The following PTPRM variants were observed in gnomAD, a reference collection of about 807,000 sequenced individuals.
PTPRM encodes receptor-type tyrosine-protein phosphatase mu.
PTPRM carries 47 observed loss-of-function variants against 186.7 expected under a neutral mutation model. The observed-to-expected ratio is 0.25, with a 90% confidence interval of 0.20 to 0.32. The LOEUF (loss-of-function observed/expected upper bound fraction) is 0.32. Ranked by LOEUF, PTPRM falls within the 10% of genes least tolerant of loss-of-function variation. The pLI, the probability that PTPRM is intolerant of heterozygous loss-of-function variation, is 1.00. For synonymous variants in PTPRM, 668 were observed against 674.9 expected, an observed-to-expected ratio of 0.99 and a Z score of 0.16; for missense variants, 1,494 against 1,865.0, an observed-to-expected ratio of 0.80 and a Z score of 3.66.
At chr18:8,324,614 T>C (rs1181100887) in intron 22 of PTPRM, among the ~76,000 whole-genome samples, 7 of 152,144 alleles carry the variant, frequency 4.6e-5, no homozygotes, top group Non-Finnish European at 1.0e-4. Flanking sequence ...GTCCTGGTGT[T>C]TGGTAAATAG....
chr18:7,570,608 A>G (rs2036543818), intron 1 of PTPRM, among the ~76,000 whole-genome samples: 1 of 152,184 alleles, frequency 6.6e-6, no homozygotes, highest in Non-Finnish European at 1.5e-5. Context: ...TAAAAGTTAG[A>G]CTTGGCTTGC....
intron 32 of PTPRM, among the ~76,000 whole-genome samples, chr18:8,401,872 G>T (rs1298616078): frequency 6.6e-6 from 1 of 152,214 alleles, no homozygotes; most frequent in African/African-American, 2.4e-5. Context: ...AGCGGGGCCA[G>T]CGTCAGGGAC....
rs531037499 is a variant in PTPRM at position 8,085,603 on chromosome 18, T to G, written c.1552-68T>G. 6.8e-4 allele frequency: 925 copies of G among 1,359,306 alleles called. 15 individuals carry two copies. The South Asian group carries it at 0.01, about 15-fold the overall frequency. 84.2% of individuals were successfully genotyped at this position (1,359,306 alleles called of 1,614,324 possible). A position where few individuals can be genotyped will look rare whatever the true frequency, so the allele number is the denominator to read the frequency against. ...TGACAGTGCATACATCAGAAGGGTT[T>G]ATTGGATAAAGATGCAATCTGAGTC... On this transcript the variant is annotated intron_variant, in intron 9 of 32. Coordinates refer to ENST00000580170, the MANE Select transcript of PTPRM (RefSeq NM_001105244.2).
chr18:7,938,471 A>G (rs1356855046), intron 5 of PTPRM, among the ~76,000 whole-genome samples: 1 of 152,160 alleles, frequency 6.6e-6, no homozygotes, highest in Non-Finnish European at 1.5e-5. Flanking sequence ...CTTGAGACCT[A>G]GTTTTGCAAA....
rs552710719 is a variant in PTPRM at position 8,148,220 on chromosome 18, A to T, written c.2300+4441A>T. Among the ~76,000 whole-genome samples the T allele has an allele frequency of 8.5e-5, 13 of 152,238 alleles. No individual in the cohort carries two copies. In the East Asian group the frequency reaches 9.7e-4, roughly 11 times the overall value. On this transcript the variant is annotated intron_variant, in intron 14 of 32. Transcript: ENST00000580170. ...GTTGTTTGGAATAGTTTGAGAAGGC[A>T]TGGTACCAGCTCCTCTTTGTACCTC...
chr18:8,212,641 CA>C (rs1342980853), intron 14 of PTPRM, among the ~76,000 whole-genome samples: 1 of 151,880 alleles, frequency 6.6e-6, no homozygotes, highest in Non-Finnish European at 1.5e-5. Flanking sequence ...CCTGTCTCTG[CA>C]AAAAAATTTT....
chr18:8,390,365 A>G (rs75372157), intron 31 of PTPRM, among the ~76,000 whole-genome samples: 4,009 of 152,350 alleles, frequency 0.026, 80 homozygotes, highest in Non-Finnish European at 0.038. Context: ...GACCGCGGGT[A>G]GATTTGTTAA....
chr18:7,972,523 AAAG>A (rs1343237135), intron 7 of PTPRM, among the ~76,000 whole-genome samples: 1 of 149,928 alleles, frequency 6.7e-6, no homozygotes, highest in Non-Finnish European at 1.5e-5. Flanking sequence ...GAAAAAAAAA[AAAG>A]AAACCCTTTC....
intron 4 of PTPRM, among the ~76,000 whole-genome samples, chr18:7,918,110 G>A: frequency 6.6e-6 from 1 of 151,248 alleles, no homozygotes; most frequent in East Asian, 2.0e-4. Context: ...GTGTGTATGT[G>A]TATTACATTT....
intron 2 of PTPRM, among the ~76,000 whole-genome samples, chr18:7,820,181 ATG>A (rs1284911078): frequency 6.6e-6 from 1 of 152,120 alleles, no homozygotes; most frequent in Non-Finnish European, 1.5e-5. Context: ...TCTTAGCCAG[ATG>A]CCATACTCAA....
intron 14 of PTPRM, among the ~76,000 whole-genome samples, chr18:8,243,518 C>T (rs2094450977): frequency 6.6e-6 from 1 of 152,216 alleles, no homozygotes; most frequent in Non-Finnish European, 1.5e-5. Context: ...GTGTCAGGTT[C>T]TGCTCCCTGT....
At chr18:8,160,823 A>G (rs1228163061) in intron 14 of PTPRM, among the ~76,000 whole-genome samples, 1 of 152,224 alleles carries the variant, frequency 6.6e-6, no homozygotes, top group Non-Finnish European at 1.5e-5. Flanking sequence ...TTTGATAAGC[A>G]TCTGTGATAA....
chr18:7,796,441 A>C (rs540348718), intron 2 of PTPRM, among the ~76,000 whole-genome samples: 1 of 152,356 alleles, frequency 6.6e-6, no homozygotes, highest in African/African-American at 2.4e-5. Flanking sequence ...GCAGGAGGGC[A>C]TGGGTACACT....
chr18:8,131,510 G>A (rs1215135162), intron 13 of PTPRM, among the ~76,000 whole-genome samples: 1 of 152,156 alleles, frequency 6.6e-6, no homozygotes, highest in East Asian at 1.9e-4. Context: ...CTGCCACCCA[G>A]CACACTGAAT....
intron 2 of PTPRM, among the ~76,000 whole-genome samples, chr18:7,774,919 T>C (rs2042507186): frequency 6.6e-6 from 1 of 152,194 alleles, no homozygotes; most frequent in African/African-American, 2.4e-5. Context: ...TGGACCCTTT[T>C]TCAGGCTATG....
At chr18:7,603,436 G>C (rs1233836027) in intron 1 of PTPRM, among the ~76,000 whole-genome samples, 2 of 152,214 alleles carry the variant, frequency 1.3e-5, no homozygotes, top group African/African-American at 4.8e-5. Flanking sequence ...GCCCCTGCCT[G>C]TTAACAGCTA....
At chr18:8,159,534 C>T (rs530975550) in intron 14 of PTPRM, among the ~76,000 whole-genome samples, 19 of 152,268 alleles carry the variant, frequency 1.2e-4, no homozygotes, top group African/African-American at 3.9e-4. Context: ...GTGTTCATTC[C>T]GGTGTTTATT....
chr18:8,240,422 C>A (rs1051331643), intron 14 of PTPRM, among the ~76,000 whole-genome samples: 7 of 113,782 alleles, frequency 6.2e-5, no homozygotes, highest in African/African-American at 2.4e-4. Flanking sequence ...GGTGACAGAG[C>A]AAGACTCTGT....
chr18:7,632,648 C>G (rs911722622), intron 1 of PTPRM, among the ~76,000 whole-genome samples: 3 of 152,160 alleles, frequency 2.0e-5, no homozygotes, highest in Non-Finnish European at 4.4e-5. Flanking sequence ...AAAATTCCAG[C>G]CATCAACTGT....
Sources: gnomAD v4.1 joint callset for allele counts (sites outside exome capture counted in the v4.1 genomes callset) on GRCh38, gnomAD v4.1.1 for gene constraint, MANE v1.5 for transcripts, NCBI Gene and HGNC (gene_info 2026-07-23, HGNC 2026-07-21) for gene names.